The following SUCLA2 variants were observed in gnomAD, a reference collection of about 807,000 sequenced individuals.
The protein encoded by SUCLA2 is succinate--CoA ligase [ADP-forming] subunit beta, mitochondrial.
Under a neutral mutation model 54.8 loss-of-function variants are expected in SUCLA2, and 30 were observed. That is an observed-to-expected ratio of 0.55 (90% confidence interval 0.41 to 0.74). The LOEUF (loss-of-function observed/expected upper bound fraction) is 0.74, where lower values mean the gene tolerates loss of function less well. SUCLA2 is among the 30% of genes least tolerant of loss of function. SUCLA2 has a pLI of 0.00. For synonymous variants in SUCLA2, 172 were observed against 188.9 expected (o/e 0.91, Z 0.74); for missense variants, 476 against 562.9 (o/e 0.85, Z 1.56).
chr13:47,957,880 G>GGGGCT (rs1297333223), intron 6 of SUCLA2, among the ~76,000 whole-genome samples: 1 of 152,202 alleles, frequency 6.6e-6, no homozygotes, highest in Non-Finnish European at 1.5e-5. Flanking sequence ...CCTCAAGTGT[G>GGGGCT]TCAGTTTGGA....
chr13:48,000,843 C>A, intron 1 of SUCLA2: 3 of 1,150,322 alleles, frequency 2.6e-6, no homozygotes, highest in Non-Finnish European at 3.2e-6. Context: ...CTCAGCCCAC[C>A]GTGCCAGACG....
chr13:47,943,134 CA>C lies in SUCLA2; in HGVS notation c.*236del. ...TGCAAGTTACGTTTTGTAGGAGAAG[CA>C]AAAAAGACTGGCTGCGACAAAAGAA... On this transcript the variant is annotated 3_prime_UTR_variant, in exon 11 of 11. Transcript: ENST00000646932. 2.1e-6 allele frequency: 1 copy of C among 478,060 alleles called. No homozygotes were observed. The highest frequency in any genetic ancestry group is 3.7e-5 in the East Asian group (1 of 27,312). The allele number at this position is 478,060 out of a possible 1,614,324, so 29.6% of individuals were successfully genotyped here.
At chr13:47,994,976 T>C (rs994575913) in intron 2 of SUCLA2, 28 of 482,106 alleles carry the variant, frequency 5.8e-5, no homozygotes, top group African/African-American at 5.7e-4. Flanking sequence ...TATGAAAAAG[T>C]TTCTATGCAA....
intron 6 of SUCLA2, among the ~76,000 whole-genome samples, chr13:47,967,583 G>A (rs916435751): frequency 3.9e-5 from 6 of 152,148 alleles, no homozygotes; most frequent in Admixed American, 6.5e-5. Context: ...ACTCACGCCT[G>A]TAATCCCAGC....
chr13:47,961,782 A>C (rs530794126), intron 6 of SUCLA2, among the ~76,000 whole-genome samples: 1 of 152,354 alleles, frequency 6.6e-6, no homozygotes, highest in East Asian at 1.9e-4. Flanking sequence ...ACAAGTAACC[A>C]AATATCCTTA....
chr13:47,971,120 G>A (rs1949959989), intron 5 of SUCLA2, among the ~76,000 whole-genome samples: 1 of 151,902 alleles, frequency 6.6e-6, no homozygotes, highest in Non-Finnish European at 1.5e-5. Context: ...TTCTTTTAAG[G>A]TGAGTCATTA....
At chr13:47,986,520 T>A (rs1320055773) in intron 4 of SUCLA2, among the ~76,000 whole-genome samples, 1 of 152,264 alleles carries the variant, frequency 6.6e-6, no homozygotes, top group Admixed American at 6.5e-5. Flanking sequence ...GATAGTTTCC[T>A]TTGCTGTGCA....
chr13:47,948,643 G>A (rs1378016736), intron 10 of SUCLA2, among the ~76,000 whole-genome samples: 1 of 152,010 alleles, frequency 6.6e-6, no homozygotes, highest in Non-Finnish European at 1.5e-5. Context: ...CCACTGCCCC[G>A]ACCCTCTTCC....
intron 5 of SUCLA2, among the ~76,000 whole-genome samples, chr13:47,968,994 G>C (rs905192087): frequency 1.3e-5 from 2 of 152,196 alleles, no homozygotes; most frequent in African/African-American, 4.8e-5. Flanking sequence ...CATTGGCCTA[G>C]ATTCCAGTTC....
intron 9 of SUCLA2, 27 bp from the exon 10 acceptor site, chr13:47,949,055 T>C (rs779833006): frequency 5.0e-6 from 8 of 1,602,172 alleles, no homozygotes; most frequent in Non-Finnish European, 6.8e-6. Flanking sequence ...CAAATATAAA[T>C]GTTTTAAATA....
chr13:47,965,512 C>CAAAAAAAAAAAA, intron 6 of SUCLA2: 1 of 354,612 alleles, frequency 2.8e-6, no homozygotes, highest in Non-Finnish European at 4.8e-6. Flanking sequence ...AAAAAACAAA[C>CAAAAAAAAAAAA]AAACAAAAAA....
chr13:47,976,898 A>G (rs534711881), intron 4 of SUCLA2, among the ~76,000 whole-genome samples: 2 of 152,220 alleles, frequency 1.3e-5, no homozygotes, highest in African/African-American at 4.8e-5. Context: ...TGCTCAACCT[A>G]TATTTATACC....
At position 47,971,542 on chromosome 13, in the gene SUCLA2, G is replaced by A. The variant is rs187751097; in HGVS notation, c.663+1722C>T. ...CACAGGCCTTAATATTAAACTCAATGGGGGCTTTTTTTTAGTGGGGGGAAG... is the reference window on the plus strand; with the variant it reads ...CACAGGCCTTAATATTAAACTCAATAGGGGCTTTTTTTTAGTGGGGGGAAG... On this transcript the variant is annotated intron_variant, in intron 5 of 10. Transcript: ENST00000646932. The A allele has an allele frequency of 1.6e-3, 395 of 250,964 alleles. 3 individuals carry two copies. Among genetic ancestry groups the A allele is most frequent in the African/African-American group, 8.2e-3 (371 of 45,470 alleles). 15.5% of individuals were successfully genotyped at this position (250,964 alleles called of 1,614,324 possible). A position where few individuals can be genotyped will look rare whatever the true frequency, so the allele number is the denominator to read the frequency against.
In SUCLA2 at chr13:47,947,241, CAT is replaced by C. The variant is rs1450388532; in HGVS notation, c.1317+1697_1317+1698del. Reference sequence around the variant, plus strand: ...CAAAACAGTATGCCAGTGGAACACACATGTGTATGCATGTGTATGCACACACG... The same window carrying C: ...CAAAACAGTATGCCAGTGGAACACACGTGTATGCATGTGTATGCACACACG... On this transcript the variant is annotated intron_variant, in intron 10 of 10. Transcript: ENST00000646932. Among the ~76,000 whole-genome samples the C allele has an allele frequency of 4.0e-5, 6 of 151,492 alleles. No homozygotes were observed. In the East Asian group the frequency reaches 9.7e-4, roughly 25 times the overall value.
At chr13:47,948,279 C>T (rs1263514493) in intron 10 of SUCLA2, among the ~76,000 whole-genome samples, 7 of 152,132 alleles carry the variant, frequency 4.6e-5, no homozygotes, top group Admixed American at 4.6e-4. Flanking sequence ...CAAAGATTCT[C>T]TCCTTGACCA....
At chr13:47,988,243 T>C (rs1418009140) in intron 4 of SUCLA2, 1 of 455,730 alleles carries the variant, frequency 2.2e-6, no homozygotes, top group Non-Finnish European at 3.8e-6. Context: ...ATTTTCTCAA[T>C]CTGGAGATGA....
At chr13:47,978,068 T>A (rs1950031556) in intron 4 of SUCLA2, among the ~76,000 whole-genome samples, 1 of 152,126 alleles carries the variant, frequency 6.6e-6, no homozygotes, top group Non-Finnish European at 1.5e-5. Flanking sequence ...GAAGAATCAA[T>A]ATCATGAAAA....
intron 4 of SUCLA2, among the ~76,000 whole-genome samples, chr13:47,983,100 T>C (rs1950072214): frequency 6.6e-6 from 1 of 152,100 alleles, no homozygotes; most frequent in Admixed American, 6.6e-5. Flanking sequence ...CACTTAGTAT[T>C]AGAACTCCTT....
chr13:47,979,641 T>G (rs1170708867), intron 4 of SUCLA2, among the ~76,000 whole-genome samples: 3 of 151,798 alleles, frequency 2.0e-5, no homozygotes, highest in African/African-American at 7.3e-5. Flanking sequence ...ATAATAATAA[T>G]AAAAATAAAA....
Sources: gnomAD v4.1 joint callset for allele counts (sites outside exome capture counted in the v4.1 genomes callset) on GRCh38, gnomAD v4.1.1 for gene constraint, MANE v1.5 for transcripts, NCBI Gene and HGNC (gene_info 2026-07-23, HGNC 2026-07-21) for gene names.